HS6ST3: variants seen among roughly 807,000 people sequenced by gnomAD.
HS6ST3 encodes the protein heparan sulfate 6-O-sulfotransferase 3.
HS6ST3 carries 12 observed loss-of-function variants against 36.7 expected under a neutral mutation model. That is an observed-to-expected ratio of 0.33 (90% CI 0.21 to 0.53). The LOEUF is 0.53. Ranked by LOEUF, HS6ST3 falls within the 20% of genes least tolerant of loss-of-function variation. The pLI is 0.95. For missense variants in HS6ST3, 584 were observed against 640.9 expected (o/e 0.91, Z 0.96); for synonymous variants, 240 against 257.5 (o/e 0.93, Z 0.65).
intron 1 of HS6ST3, among the ~76,000 whole-genome samples, chr13:96,160,601 C>A (rs1001085506): frequency 1.3e-5 from 2 of 152,062 alleles, no homozygotes; most frequent in African/African-American, 2.4e-5. Flanking sequence ...TTCTCGTGAC[C>A]CCGAGTTCAT....
intron 1 of HS6ST3, among the ~76,000 whole-genome samples, chr13:96,669,963 T>C (rs887472858): frequency 6.6e-6 from 1 of 152,076 alleles, no homozygotes; most frequent in Non-Finnish European, 1.5e-5. Flanking sequence ...AAATTTAAAT[T>C]TGAGGACCAC....
At chr13:96,798,637 C>T (rs571213547) in intron 1 of HS6ST3, among the ~76,000 whole-genome samples, 2 of 152,148 alleles carry the variant, frequency 1.3e-5, no homozygotes, top group African/African-American at 4.8e-5. Context: ...TTCTCTGCGC[C>T]TCAATGTCCT....
At chr13:96,286,766 T>C (rs1007601839) in intron 1 of HS6ST3, among the ~76,000 whole-genome samples, 3 of 152,098 alleles carry the variant, frequency 2.0e-5, no homozygotes, top group Admixed American at 1.3e-4. Context: ...AGAGGAAGAC[T>C]GGGGGTTTTA....
Position 96,243,054 on chromosome 13 carries a change from A to T in HS6ST3, c.707+151485A>T, listed in dbSNP as rs531388067. Among the ~76,000 whole-genome samples the T allele has an allele frequency of 3.3e-5, 5 of 152,352 alleles. No individual in the cohort carries two copies. The East Asian group carries it at 9.6e-4, about 29-fold the overall frequency. ...TGAAATTGACTTTAATATATTTTTA[A>T]CTCAGTACATCCAAAATATTGCCAC... On this transcript the variant is annotated intron_variant, in intron 1 of 1. Coordinates refer to ENST00000376705, the MANE Select transcript of HS6ST3 (RefSeq NM_153456.4).
chr13:96,321,397 G>C (rs1012151691), intron 1 of HS6ST3, among the ~76,000 whole-genome samples: 21 of 152,168 alleles, frequency 1.4e-4, no homozygotes, highest in Non-Finnish European at 2.5e-4. Flanking sequence ...CTCCTTTGCA[G>C]ATGATTTTTT....
intron 1 of HS6ST3, among the ~76,000 whole-genome samples, chr13:96,475,046 A>G (rs1401863083): frequency 6.6e-6 from 1 of 151,962 alleles, no homozygotes; most frequent in East Asian, 1.9e-4. Flanking sequence ...AGCTAAATGC[A>G]ACTCTATTCT....
At chr13:96,765,578 C>T (rs1203043442) in intron 1 of HS6ST3, among the ~76,000 whole-genome samples, 1 of 128,596 alleles carries the variant, frequency 7.8e-6, no homozygotes, top group Non-Finnish European at 1.7e-5. Context: ...GATGTATGCG[C>T]TCTCTCTCTT....
chr13:96,501,080 C>G (rs2056001901), intron 1 of HS6ST3, among the ~76,000 whole-genome samples: 1 of 152,064 alleles, frequency 6.6e-6, no homozygotes, highest in Non-Finnish European at 1.5e-5. Flanking sequence ...TATCTACTGA[C>G]TATAAAATGC....
chr13:96,717,690 C>T (rs1875736624), intron 1 of HS6ST3, among the ~76,000 whole-genome samples: 1 of 152,100 alleles, frequency 6.6e-6, no homozygotes, highest in African/African-American at 2.4e-5. Context: ...CTTAATTTTA[C>T]AATGAAGAAA....
intron 1 of HS6ST3, among the ~76,000 whole-genome samples, chr13:96,689,198 G>C (rs1192152374): frequency 1.3e-5 from 2 of 151,904 alleles, no homozygotes; most frequent in African/African-American, 4.8e-5. Context: ...ACATATATAA[G>C]GGTTACCACT....
chr13:96,761,281 A>G (rs1300345660), intron 1 of HS6ST3, among the ~76,000 whole-genome samples: 1 of 151,908 alleles, frequency 6.6e-6, no homozygotes, highest in African/African-American at 2.4e-5. Context: ...ATCAGCAGTT[A>G]TATAATTAAC....
At chr13:96,305,836 C>A (rs1326104801) in intron 1 of HS6ST3, among the ~76,000 whole-genome samples, 1 of 151,300 alleles carries the variant, frequency 6.6e-6, no homozygotes, top group African/African-American at 2.4e-5. Flanking sequence ...TTTGCCTTTC[C>A]CCCTTAGTTA....
intron 1 of HS6ST3, among the ~76,000 whole-genome samples, chr13:96,144,879 T>G (rs1454066551): frequency 1.4e-5 from 2 of 143,404 alleles, no homozygotes; most frequent in Admixed American, 1.4e-4. Context: ...TTCCCATCTA[T>G]GAGTGAGAAC....
At chr13:96,350,509 T>C (rs2055176343) in intron 1 of HS6ST3, among the ~76,000 whole-genome samples, 1 of 152,220 alleles carries the variant, frequency 6.6e-6, no homozygotes, top group Admixed American at 6.5e-5. Context: ...ATATGCAAGA[T>C]ATGTTTCCAG....
intron 1 of HS6ST3, among the ~76,000 whole-genome samples, chr13:96,228,499 C>T (rs1213450500): frequency 6.6e-6 from 1 of 152,198 alleles, no homozygotes; most frequent in African/African-American, 2.4e-5. Flanking sequence ...CTCCTGATCT[C>T]AAGTGATCCG....
chr13:96,308,722 T>C (rs1243132612), intron 1 of HS6ST3, among the ~76,000 whole-genome samples: 1 of 152,094 alleles, frequency 6.6e-6, no homozygotes, highest in East Asian at 1.9e-4. Flanking sequence ...TGAACAGCCA[T>C]GTTTGGTTAA....
chr13:96,563,261 G>A lies in HS6ST3; in HGVS notation c.708-269229G>A, dbSNP rs1357739821. On this transcript the variant is annotated intron_variant, in intron 1 of 1. Coordinates refer to ENST00000376705, the MANE Select transcript of HS6ST3 (RefSeq NM_153456.4). ...CTCAGACCCTATTCCTGGTTAAATT[G>A]TGAGCCTATTACACTTAAGTATATC... is the stretch of plus-strand genomic sequence containing the variant. 3.3e-5 allele frequency among the ~76,000 whole-genome samples: 5 copies of A among 152,222 alleles called. No individual in the cohort carries two copies. In the South Asian group the frequency reaches 1.0e-3, roughly 32 times the overall value.
At chr13:96,687,956 C>T (rs9516736) in intron 1 of HS6ST3, among the ~76,000 whole-genome samples, 1 of 151,350 alleles carries the variant, frequency 6.6e-6, no homozygotes, top group Non-Finnish European at 1.5e-5. Flanking sequence ...TCTTAGCAAA[C>T]TATCACAAGG....
chr13:96,291,153 C>G (rs995656148), intron 1 of HS6ST3, among the ~76,000 whole-genome samples: 2 of 152,146 alleles, frequency 1.3e-5, no homozygotes, highest in Non-Finnish European at 2.9e-5. Context: ...ATTTTACTTA[C>G]TTATTTTTTC....
Sources: allele counts gnomAD v4.1 joint callset (sites outside exome capture counted in the v4.1 genomes callset), GRCh38; gene constraint gnomAD v4.1.1; transcripts MANE v1.5; gene names NCBI Gene and HGNC (gene_info 2026-07-23, HGNC 2026-07-21).